IKZF3: variants seen among roughly 807,000 people sequenced by gnomAD.
IKZF3 encodes the protein zinc finger protein Aiolos.
Under a neutral mutation model 49.0 loss-of-function variants are expected in IKZF3, and 10 were observed. That is an observed-to-expected ratio of 0.20 (90% CI 0.13 to 0.35). IKZF3 has a LOEUF of 0.35. Among genes scored for constraint, IKZF3 ranks in the 10% least tolerant of loss-of-function variants. The pLI is 1.00. For missense variants in IKZF3, 498 were observed against 664.8 expected, an observed-to-expected ratio of 0.75 and a Z score of 2.76; for synonymous variants, 209 against 228.2, an observed-to-expected ratio of 0.92 and a Z score of 0.76.
chr17:39,835,722 T>A, intron 1 of IKZF3: 2 of 503,858 alleles, frequency 4.0e-6, no homozygotes, highest in Non-Finnish European at 7.8e-6. Flanking sequence ...CTCCTCTTCA[T>A]ACAGCTGCCT....
Position 39,760,820 on chromosome 17 carries a change from A to G in IKZF3, c.*4970T>C, listed in dbSNP as rs1309756246. The G allele has an allele frequency of 6.6e-6, 1 of 152,240 alleles. No homozygotes were observed. Among genetic ancestry groups the G allele is most frequent in the African/African-American group, 2.4e-5 (1 of 41,466 alleles). 9.4% of individuals were successfully genotyped at this position (152,240 alleles called of 1,614,324 possible). On this transcript the variant is annotated 3_prime_UTR_variant, in exon 8 of 8. Coordinates refer to ENST00000346872, the MANE Select transcript of IKZF3 (RefSeq NM_012481.5). The stretch of plus-strand genomic sequence containing the variant: ...GTAACACAGTGTTTCACCTGAGCAA[A>G]ATTTTGTGTTTTTAAACATTTCTGT...
intron 6 of IKZF3, among the ~76,000 whole-genome samples, chr17:39,781,640 A>G (rs1353964551): frequency 1.3e-5 from 2 of 152,168 alleles, no homozygotes; most frequent in African/African-American, 4.8e-5. Context: ...ACTGAAGTCA[A>G]TGTCAATTAA....
chr17:39,843,325 GA>G, intron 1 of IKZF3, among the ~76,000 whole-genome samples: 2 of 151,946 alleles, frequency 1.3e-5, no homozygotes, highest in African/African-American at 4.8e-5. Context: ...AAAACTTGCA[GA>G]AAAAAAGTTT....
intron 6 of IKZF3, among the ~76,000 whole-genome samples, chr17:39,785,729 G>T (rs2060858487): frequency 6.6e-6 from 1 of 151,884 alleles, no homozygotes; most frequent in African/African-American, 2.4e-5. Context: ...TATTTCTTTT[G>T]CAAACCAGAT....
intron 3 of IKZF3, among the ~76,000 whole-genome samples, chr17:39,817,159 A>C (rs1253528372): frequency 6.6e-6 from 1 of 152,218 alleles, no homozygotes; most frequent in Non-Finnish European, 1.5e-5. Context: ...TCAGGGTGTG[A>C]AATTTTCTAC....
intron 7 of IKZF3, among the ~76,000 whole-genome samples, chr17:39,775,921 T>C (rs990483089): frequency 2.1e-5 from 3 of 146,260 alleles, no homozygotes; most frequent in Non-Finnish European, 3.0e-5. Context: ...TGAAACTCTG[T>C]CTCAAAAAAA....
intron 1 of IKZF3, among the ~76,000 whole-genome samples, chr17:39,852,150 A>G (rs2062895687): frequency 6.6e-6 from 1 of 152,200 alleles, no homozygotes; most frequent in Admixed American, 6.5e-5. Context: ...AACTTACACT[A>G]CAGATAGTGT....
intron 3 of IKZF3, among the ~76,000 whole-genome samples, chr17:39,799,515 T>C (rs1311088545): frequency 1.3e-5 from 2 of 152,186 alleles, no homozygotes; most frequent in Non-Finnish European, 2.9e-5. Flanking sequence ...CTCTCTATAC[T>C]AGAACTTTAC....
intron 6 of IKZF3, 63 bp downstream of exon 6, chr17:39,788,195 T>C: frequency 1.1e-6 from 1 of 951,184 alleles, no homozygotes; most frequent in Admixed American, 2.0e-5. Context: ...TCTTTTTACT[T>C]ACTATTGTAT....
Position 39,766,321 on chromosome 17 carries a change from C to G in IKZF3, c.999G>C (p.Glu333Asp). 1 of 1,614,196 alleles carries G rather than the reference C, an allele frequency of 6.2e-7. No individual in the cohort carries two copies. Among genetic ancestry groups the G allele is most frequent in the Non-Finnish European group, 8.5e-7 (1 of 1,180,030 alleles). ...LVQTPPAPTS[E>D]MVPVISSMYP... ...ACATGCTGCTGATAACTGGAACCAT[C>G]TCCGAGGTGGGAGCAGGCGGTGTCT... is the stretch of plus-strand genomic sequence containing the variant. Residue 333 changes from glutamate to aspartate, a missense_variant, in exon 8 of 8, where the codon GAG (glutamate) becomes GAC (aspartate). Around this residue, in one of 3 missense-constraint regions of IKZF3, gnomAD observed 317 missense variants for 397.3 expected, o/e 0.80. Coordinates refer to ENST00000346872, the MANE Select transcript of IKZF3 (RefSeq NM_012481.5).
chr17:39,842,874 T>C (rs534587003), intron 1 of IKZF3, among the ~76,000 whole-genome samples: 1 of 152,322 alleles, frequency 6.6e-6, no homozygotes, highest in South Asian at 2.1e-4. Context: ...TTACATGTGG[T>C]CATCATCAGT....
intron 3 of IKZF3, among the ~76,000 whole-genome samples, chr17:39,796,542 CTT>C (rs1224946640): frequency 2.1e-4 from 28 of 134,954 alleles, no homozygotes; most frequent in Non-Finnish European, 2.6e-4. Context: ...ACATTCCTTT[CTT>C]TTTTTTTTTT....
At chr17:39,853,733 G>A (rs539309004) in intron 1 of IKZF3, among the ~76,000 whole-genome samples, 7 of 151,936 alleles carry the variant, frequency 4.6e-5, no homozygotes, top group African/African-American at 7.2e-5. Flanking sequence ...TACTCGGGAG[G>A]CTGAGGTAGG....
chr17:39,823,697 G>A (rs72832930), intron 3 of IKZF3, among the ~76,000 whole-genome samples: 5,808 of 152,296 alleles, frequency 0.038, 142 homozygotes, highest in Non-Finnish European at 0.058. Context: ...CAAAGGTACA[G>A]CTCAGGCTGT....
chr17:39,774,444 A>G (rs1046127272), intron 7 of IKZF3, among the ~76,000 whole-genome samples: 1 of 152,064 alleles, frequency 6.6e-6, no homozygotes, highest in Non-Finnish European at 1.5e-5. Context: ...AGGCGAGGCA[A>G]GGCGAGGGGA....
chr17:39,787,658 G>C (rs554950515), intron 6 of IKZF3, among the ~76,000 whole-genome samples: 6 of 152,306 alleles, frequency 3.9e-5, no homozygotes, highest in Non-Finnish European at 5.9e-5. Context: ...TCTCTTGCTT[G>C]AATTATTGCA....
chr17:39,863,603 G>T lies in IKZF3; in HGVS notation c.7+517C>A, dbSNP rs188353899. Reference sequence around the variant, plus strand: ...TTAATTCATATGAAACTCCTAATGTGAACCTGATTTTTTGCGCTGGGTAAA... The same window carrying T: ...TTAATTCATATGAAACTCCTAATGTTAACCTGATTTTTTGCGCTGGGTAAA... On this transcript the variant is annotated intron_variant, in intron 1 of 7. Coordinates refer to ENST00000346872, the MANE Select transcript of IKZF3 (RefSeq NM_012481.5). Among the ~76,000 whole-genome samples the T allele has an allele frequency of 9.1e-3, 1,382 of 152,284 alleles. 12 individuals carry two copies. Among genetic ancestry groups the T allele is most frequent in the Non-Finnish European group, 0.013 (915 of 68,024 alleles).
At chr17:39,823,163 A>AT (rs2061856728) in intron 3 of IKZF3, among the ~76,000 whole-genome samples, 1 of 152,214 alleles carries the variant, frequency 6.6e-6, no homozygotes. Context: ...GCTGACAGTG[A>AT]TATGGACAAT....
At chr17:39,858,185 T>C (rs1033132782) in intron 1 of IKZF3, among the ~76,000 whole-genome samples, 17 of 152,116 alleles carry the variant, frequency 1.1e-4, no homozygotes, top group African/African-American at 3.9e-4. Context: ...TGGCTGGGCA[T>C]TGGTGGCTCA....
Sources: allele counts gnomAD v4.1 joint callset (sites outside exome capture counted in the v4.1 genomes callset), GRCh38; gene constraint gnomAD v4.1.1; regional missense constraint gnomAD v4.1.1; transcripts MANE v1.5; gene names NCBI Gene and HGNC (gene_info 2026-07-23, HGNC 2026-07-21).